CAB39: variants seen among roughly 807,000 people sequenced by gnomAD.
CAB39 encodes calcium binding protein 39, also known as calcium-binding protein 39.
In CAB39, 8 loss-of-function variants were observed where a neutral mutation model predicts 40.0. The observed-to-expected ratio is 0.20, with a 90% CI of 0.12 to 0.36. CAB39 has a LOEUF of 0.36. Ranked by LOEUF, CAB39 falls within the 10% of genes least tolerant of loss-of-function variation. The pLI is 1.00. For synonymous variants in CAB39, 156 were observed against 141.6 expected (o/e 1.10, Z -0.72); for missense variants, 270 against 401.1 (o/e 0.67, Z 2.79).
chr2:230,806,093 A>G (rs1438704642), intron 5 of CAB39, among the ~76,000 whole-genome samples: 1 of 152,218 alleles, frequency 6.6e-6, no homozygotes, highest in Non-Finnish European at 1.5e-5. Flanking sequence ...GGATGGAGGA[A>G]TAACACAATA....
rs370440366 is a variant in CAB39 at position 230,718,098 on chromosome 2, A to G, written c.-44+4868A>G. Among the ~76,000 whole-genome samples, 6 of 152,304 alleles carry G rather than the reference A, an allele frequency of 3.9e-5. No homozygotes were observed. In the East Asian group the frequency reaches 1.2e-3, roughly 29 times the overall value. On this transcript the variant is annotated intron_variant, in intron 1 of 8. Coordinates refer to ENST00000258418, the MANE Select transcript of CAB39 (RefSeq NM_016289.4). ...TTTCAAAGATGGGGAAAATCTAGCC[A>G]TTATTTAGTGGCAGTTTGTTTTTAT... is the stretch of plus-strand genomic sequence containing the variant.
intron 6 of CAB39, among the ~76,000 whole-genome samples, chr2:230,811,709 A>T (rs1486937333): frequency 1.3e-5 from 2 of 152,212 alleles, no homozygotes. Flanking sequence ...TTAGATAAGA[A>T]CGTGTATGTG....
Position 230,748,859 on chromosome 2 carries a change from T to A in CAB39, c.-43-11100T>A, listed in dbSNP as rs1284269879. Among the ~76,000 whole-genome samples, 30 of 117,408 alleles carry A rather than the reference T, an allele frequency of 2.6e-4. 1 individual carries two copies. The highest frequency in any genetic ancestry group is 9.6e-4 in the African/African-American group (30 of 31,114). The allele number at this position is 117,408 out of a possible 152,430, so 77.0% of individuals were successfully genotyped here. A position where few individuals can be genotyped will look rare whatever the true frequency, so the allele number is the denominator to read the frequency against. On this transcript the variant is annotated intron_variant, in intron 1 of 8. Transcript: ENST00000258418. The stretch of plus-strand genomic sequence containing the variant: ...ATATATATATATATATATATATATA[T>A]ATATATATAACAAAATGGTAATTTT...
intron 2 of CAB39, among the ~76,000 whole-genome samples, chr2:230,790,050 C>G (rs1051538233): frequency 6.6e-6 from 1 of 151,998 alleles, no homozygotes; most frequent in Non-Finnish European, 1.5e-5. Flanking sequence ...ATGGCAAAAC[C>G]CCATCTCTAC....
chr2:230,761,939 G>A (rs563654512), intron 2 of CAB39, among the ~76,000 whole-genome samples: 37 of 151,038 alleles, frequency 2.4e-4, no homozygotes, highest in Admixed American at 1.6e-3. Flanking sequence ...ATGGAGTCTC[G>A]CTCGGTTAGC....
At chr2:230,764,336 G>A (rs1695345636) in intron 2 of CAB39, among the ~76,000 whole-genome samples, 1 of 152,156 alleles carries the variant, frequency 6.6e-6, no homozygotes, top group African/African-American at 2.4e-5. Context: ...AGAGGATTTT[G>A]CCCATGATAG....
chr2:230,785,087 T>C (rs950095841), intron 2 of CAB39, among the ~76,000 whole-genome samples: 1 of 152,214 alleles, frequency 6.6e-6, no homozygotes, highest in African/African-American at 2.4e-5. Flanking sequence ...CCAGGCATGC[T>C]GGAGCAAGCT....
At chr2:230,758,548 T>G (rs1396671087) in intron 1 of CAB39, among the ~76,000 whole-genome samples, 1 of 152,246 alleles carries the variant, frequency 6.6e-6, no homozygotes, top group African/African-American at 2.4e-5. Flanking sequence ...AAACATTCTT[T>G]ATAAACAAAT....
At chr2:230,714,023 C>T (rs757104169) in intron 1 of CAB39, 21 of 152,396 alleles carry the variant, frequency 1.4e-4, no homozygotes, top group Admixed American at 3.9e-4. Context: ...GTCTTGAAGG[C>T]CTGATGGGAT....
At chr2:230,762,026 G>C (rs561367182) in intron 2 of CAB39, among the ~76,000 whole-genome samples, 1 of 152,006 alleles carries the variant, frequency 6.6e-6, no homozygotes, top group Admixed American at 6.6e-5. Flanking sequence ...TCCTGTCCCA[G>C]ACTCCAGAGT....
intron 1 of CAB39, among the ~76,000 whole-genome samples, chr2:230,731,834 CA>C (rs1694695874): frequency 6.6e-6 from 1 of 152,056 alleles, no homozygotes; most frequent in Non-Finnish European, 1.5e-5. Flanking sequence ...AATTTTATCT[CA>C]ATAAAGCTAA....
intron 2 of CAB39, among the ~76,000 whole-genome samples, chr2:230,772,320 A>G (rs1174227070): frequency 1.3e-5 from 2 of 152,236 alleles, no homozygotes; most frequent in African/African-American, 4.8e-5. Flanking sequence ...GATGTTAATC[A>G]TTAGGAAATT....
Position 230,817,871 on chromosome 2 carries a change from C to A in CAB39, c.811C>A (p.Gln271Lys). The change falls in exon 8 of 9, where the codon CAG (glutamine) becomes AAG (lysine). Residue 271 changes from glutamine to lysine, a missense_variant. By Grantham distance (53) the Gln-to-Lys change is moderately conservative (BLOSUM62 1). Transcript: ENST00000258418. ...NLLRDKSRNI[Q>K]FEAFHVFKVF... is the part of the protein sequence containing the mutation. ...GCTGCGAGACAAAAGTCGCAACATC[C>A]AGTTTGAGGCCTTTCACGTTTTTAA... 1 of 1,612,504 alleles carries A rather than the reference C, an allele frequency of 6.2e-7. No individual in the cohort carries two copies. The highest frequency in any genetic ancestry group is 1.1e-5 in the South Asian group (1 of 90,828).
At chr2:230,794,434 T>C (rs1695945298) in intron 4 of CAB39, among the ~76,000 whole-genome samples, 2 of 152,230 alleles carry the variant, frequency 1.3e-5, no homozygotes, top group Non-Finnish European at 2.9e-5. Context: ...CAGGTGCCTT[T>C]GTGTGTTTTT....
chr2:230,806,874 C>T (rs142208991), intron 5 of CAB39, among the ~76,000 whole-genome samples: 3 of 152,104 alleles, frequency 2.0e-5, no homozygotes, highest in African/African-American at 7.2e-5. Flanking sequence ...AAAATAAGCC[C>T]CCTGGGTTAG....
chr2:230,804,032 C>T (rs1174288255), intron 5 of CAB39, among the ~76,000 whole-genome samples: 2 of 152,104 alleles, frequency 1.3e-5, no homozygotes, highest in Non-Finnish European at 2.9e-5. Flanking sequence ...AACAGCATGG[C>T]ACTGGTACCA....
At chr2:230,715,235 C>T (rs1694327813) in intron 1 of CAB39, among the ~76,000 whole-genome samples, 1 of 152,188 alleles carries the variant, frequency 6.6e-6, no homozygotes, top group Non-Finnish European at 1.5e-5. Context: ...GTTTTCCTGA[C>T]AAGGTTGTAT....
intron 4 of CAB39, among the ~76,000 whole-genome samples, chr2:230,793,753 A>C (rs767200555): frequency 6.6e-6 from 1 of 152,220 alleles, no homozygotes; most frequent in Non-Finnish European, 1.5e-5. Flanking sequence ...TGGATTCTCT[A>C]CAGCTTTACT....
chr2:230,761,318 T>A (rs1388762396), intron 2 of CAB39, among the ~76,000 whole-genome samples: 1 of 152,204 alleles, frequency 6.6e-6, no homozygotes, highest in Non-Finnish European at 1.5e-5. Flanking sequence ...TTCCTGACTC[T>A]GAATTTATAT....
Sources: allele counts gnomAD v4.1 joint callset (sites outside exome capture counted in the v4.1 genomes callset), GRCh38; gene constraint gnomAD v4.1.1; transcripts MANE v1.5; gene names NCBI Gene and HGNC (gene_info 2026-07-23, HGNC 2026-07-21).